The following HMCN1 variants were observed in gnomAD, a reference collection of about 807,000 sequenced individuals.
HMCN1 encodes hemicentin-1.
HMCN1 carries 321 observed loss-of-function variants against 625.9 expected under a neutral mutation model. That is an observed-to-expected ratio of 0.51 (90% CI 0.47 to 0.56). HMCN1 has a LOEUF of 0.56. HMCN1 is among the 20% of genes least tolerant of loss of function. The pLI is 0.00. For missense variants in HMCN1, 6,588 were observed against 6,887.3 expected (o/e 0.96, Z 1.54); for synonymous variants, 2,425 against 2,417.6 (o/e 1.00, Z -0.09).
intron 42 of HMCN1, among the ~76,000 whole-genome samples, chr1:186,049,107 TC>T (rs1275770920): frequency 1.3e-5 from 2 of 151,982 alleles, no homozygotes; most frequent in African/African-American, 4.8e-5. Context: ...ACAGCCAGCA[TC>T]TCGTAATGAT....
intron 56 of HMCN1, among the ~76,000 whole-genome samples, chr1:186,082,601 A>C (rs1358038604): frequency 6.6e-6 from 1 of 152,178 alleles, no homozygotes; most frequent in Non-Finnish European, 1.5e-5. Flanking sequence ...GCAGAGAGAG[A>C]GAAATGGGAG....
At position 185,766,726 on chromosome 1, in the gene HMCN1, G is replaced by T. The variant is rs1655900818; in HGVS notation, c.268+31679G>T. Reference sequence around the variant, plus strand: ...GTGTGTGTGGTAGAAGGAAATGCTAGTCCTAAGCCTCCGAGAATTCCCAAA... The same window carrying T: ...GTGTGTGTGGTAGAAGGAAATGCTATTCCTAAGCCTCCGAGAATTCCCAAA... On this transcript the variant is annotated intron_variant, in intron 1 of 106. Transcript: ENST00000271588. Among the ~76,000 whole-genome samples, 2 of 152,038 alleles carry T rather than the reference G, an allele frequency of 1.3e-5. 1 individual carries two copies. Among genetic ancestry groups the T allele is most frequent in the South Asian group, 4.1e-4 (2 of 4,820 alleles).
At chr1:185,992,096 T>C (rs960348382) in intron 22 of HMCN1, among the ~76,000 whole-genome samples, 2 of 152,216 alleles carry the variant, frequency 1.3e-5, no homozygotes, top group Non-Finnish European at 2.9e-5. Flanking sequence ...GTAAATCTGT[T>C]GCACAGTTTT....
At chr1:185,846,184 A>G in intron 2 of HMCN1, 88 bp downstream of exon 2, 1 of 1,060,272 alleles carries the variant, frequency 9.4e-7, no homozygotes, top group Non-Finnish European at 1.4e-6. Context: ...TCTAAAAGAC[A>G]TAGTTGTTGG....
Position 186,151,367 on chromosome 1 carries a change from G to A in HMCN1, c.14758+18G>A, listed in dbSNP as rs748030595. ...TAGTCTTGGTAAGTCTTTGCCTCAA[G>A]CCTCTTTTTAAAAACTTATATATTA... On this transcript the variant is annotated intron_variant, in intron 94 of 106. Coordinates refer to ENST00000271588, the MANE Select transcript of HMCN1 (RefSeq NM_031935.3). 3 of 1,609,782 alleles carry A rather than the reference G, an allele frequency of 1.9e-6. No individual in the cohort carries two copies. Among genetic ancestry groups the A allele is most frequent in the Non-Finnish European group, 2.5e-6 (3 of 1,176,940 alleles).
At chr1:185,937,003 A>AAAAT (rs1667842091) in intron 11 of HMCN1, among the ~76,000 whole-genome samples, 1 of 152,248 alleles carries the variant, frequency 6.6e-6, no homozygotes, top group Non-Finnish European at 1.5e-5. Flanking sequence ...GAAAACTATC[A>AAAAT]AAATAAATAA....
chr1:186,014,479 T>A (rs1427161066), intron 30 of HMCN1, among the ~76,000 whole-genome samples: 1 of 152,042 alleles, frequency 6.6e-6, no homozygotes, highest in African/African-American at 2.4e-5. Context: ...GTTGCAATGA[T>A]AGCATGATCC....
At chr1:186,091,028 C>A in intron 64 of HMCN1, 111 bp downstream of exon 64, 1 of 1,239,422 alleles carries the variant, frequency 8.1e-7, no homozygotes, top group Non-Finnish European at 1.2e-6. Flanking sequence ...TGGAACTTAG[C>A]TATCATTATA....
chr1:185,889,368 G>A (rs1261850494), intron 4 of HMCN1, among the ~76,000 whole-genome samples: 3 of 147,088 alleles, frequency 2.0e-5, no homozygotes, highest in African/African-American at 5.4e-5. Context: ...TGGTGAGAGA[G>A]GGCATCCCTG....
At position 186,137,892 on chromosome 1, in the gene HMCN1, A is replaced by G; in HGVS notation, c.13844A>G (p.Asn4615Ser). ...GNQTRTRTCN[N>S]PSVQHGGRPC... ...CAAACCAGGACCAGGACTTGCAATAATCCATCAGTTCAGCATGGTGGGCGG... is the reference window on the plus strand; with the variant it reads ...CAAACCAGGACCAGGACTTGCAATAGTCCATCAGTTCAGCATGGTGGGCGG... Residue 4615 changes from asparagine (N) to serine (S), a missense_variant, in exon 89 of 107, where the codon AAT becomes AGT. Physicochemically the swap from Asn to Ser is conservative, Grantham distance 46. Transcript: ENST00000271588. 1 of 1,614,090 alleles carries G rather than the reference A, an allele frequency of 6.2e-7. No individual in the cohort carries two copies. The highest frequency in any genetic ancestry group is 8.5e-7 in the Non-Finnish European group (1 of 1,179,990).
chr1:186,177,317 A>AG (rs1343634777), intron 103 of HMCN1: 7 of 151,824 alleles, frequency 4.6e-5, no homozygotes, highest in South Asian at 4.2e-4. Flanking sequence ...AAAAAAAAAA[A>AG]AAAGAGAGAG....
intron 2 of HMCN1, among the ~76,000 whole-genome samples, chr1:185,859,134 G>A (rs933049408): frequency 1.4e-5 from 2 of 143,066 alleles, no homozygotes; most frequent in African/African-American, 5.6e-5. Context: ...AACTTTGTGT[G>A]TGTGTGTGTG....
At chr1:186,151,066 AT>A in intron 93 of HMCN1, 133 bp from the exon 94 acceptor site, 1 of 803,882 alleles carries the variant, frequency 1.2e-6, no homozygotes, top group Middle Eastern at 2.3e-4. Flanking sequence ...TCACTATTAA[AT>A]TCAGATGTCA....
rs563008104 is a variant in HMCN1 at position 186,102,816 on chromosome 1, C to A, written c.10574-656C>A. ...AGGGGAATGTGTTTTAAAGGAATTA[C>A]CAAAGTTGGGAGTAGTTAGACTAAA... On this transcript the variant is annotated intron_variant, in intron 68 of 106. Transcript: ENST00000271588. 3.3e-5 allele frequency among the ~76,000 whole-genome samples: 5 copies of A among 152,168 alleles called. No individual in the cohort carries two copies. In the South Asian group the frequency reaches 8.3e-4, roughly 25 times the overall value.
At chr1:185,833,813 C>T (rs994691761) in intron 1 of HMCN1, among the ~76,000 whole-genome samples, 1 of 152,036 alleles carries the variant, frequency 6.6e-6, no homozygotes, top group Non-Finnish European at 1.5e-5. Context: ...CAGCCATACT[C>T]TTTTCCAATT....
At chr1:185,883,325 A>G (rs536143290) in intron 4 of HMCN1, among the ~76,000 whole-genome samples, 4 of 152,200 alleles carry the variant, frequency 2.6e-5, no homozygotes, top group African/African-American at 9.6e-5. Flanking sequence ...ATTTTGACAA[A>G]TGTATATGCT....
At chr1:185,740,434 T>C (rs1200774440) in intron 1 of HMCN1, among the ~76,000 whole-genome samples, 1 of 152,146 alleles carries the variant, frequency 6.6e-6, no homozygotes, top group Non-Finnish European at 1.5e-5. Flanking sequence ...ATGTGAGGTC[T>C]TAGAAAAATA....
chr1:186,026,627 TTTTTTGTTTTTA>T (rs1279649583), intron 36 of HMCN1, among the ~76,000 whole-genome samples: 1 of 152,130 alleles, frequency 6.6e-6, no homozygotes, highest in African/African-American at 2.4e-5. Context: ...GAAGTCAGGA[TTTTTTGTTTTTA>T]TTTTTGTTTT....
chr1:185,991,714 A>ATTT (rs1652439313), intron 22 of HMCN1, among the ~76,000 whole-genome samples: 1 of 144,468 alleles, frequency 6.9e-6, no homozygotes, highest in African/African-American at 2.8e-5. Context: ...CTTTTTTTTA[A>ATTT]AAAAAAAAAC....
Sources: allele counts gnomAD v4.1 joint callset (sites outside exome capture counted in the v4.1 genomes callset), GRCh38; gene constraint gnomAD v4.1.1; transcripts MANE v1.5; gene names NCBI Gene and HGNC (gene_info 2026-07-23, HGNC 2026-07-21).